Variants in IGSF21 observed in about 807,000 individuals in gnomAD.
The protein encoded by IGSF21 is immunoglobulin superfamily member 21.
A neutral mutation model predicts 46.8 loss-of-function variants in IGSF21; 28 were observed. That is an observed-to-expected ratio of 0.60 (90% CI 0.44 to 0.82). The LOEUF is 0.82. IGSF21 is among the 40% of genes least tolerant of loss of function. The pLI is 0.00. For missense variants in IGSF21, 624 were observed against 665.5 expected (o/e 0.94, Z 0.69); for synonymous variants, 284 against 273.6 (o/e 1.04, Z -0.38).
chr1:18,369,741 C>T (rs1404711914), intron 6 of IGSF21, among the ~76,000 whole-genome samples: 1 of 152,198 alleles, frequency 6.6e-6, no homozygotes, highest in Non-Finnish European at 1.5e-5. Context: ...CTGCAATGAG[C>T]CTTCGCTCCT....
chr1:18,235,566 T>G (rs1257488601), intron 2 of IGSF21, among the ~76,000 whole-genome samples: 1 of 152,114 alleles, frequency 6.6e-6, no homozygotes, highest in Non-Finnish European at 1.5e-5. Flanking sequence ...GGAAAGCAAA[T>G]GCAAGACAGT....
At chr1:18,374,237 C>A (rs541315766) in intron 6 of IGSF21, among the ~76,000 whole-genome samples, 1 of 152,340 alleles carries the variant, frequency 6.6e-6, no homozygotes, top group Non-Finnish European at 1.5e-5. Flanking sequence ...AACCCAGAAA[C>A]TTACTTGGGC....
rs939538738 is a variant in IGSF21, at chr1:18,212,509, T to C, written c.71-15389T>C. ...AAGCGCCATGAGCCCATTTTTCCGA[T>C]GAGATAGATGACTGAGGCCCAGAGA... On this transcript the variant is annotated intron_variant, in intron 1 of 9. Coordinates refer to ENST00000251296, the MANE Select transcript of IGSF21 (RefSeq NM_032880.5). 3.6e-4 allele frequency among the ~76,000 whole-genome samples: 54 copies of C among 152,064 alleles called. 1 individual carries two copies. The highest frequency in any genetic ancestry group is 1.1e-3 in the African/African-American group (47 of 41,526).
chr1:18,362,244 G>A lies in IGSF21; in HGVS notation c.540+14G>A, dbSNP rs1204679172. 6.3e-7 allele frequency: 1 copy of A among 1,578,980 alleles called. No homozygotes were observed. Among genetic ancestry groups the A allele is most frequent in the South Asian group, 1.1e-5 (1 of 88,076 alleles). On this transcript the variant is annotated intron_variant, in intron 5 of 9. Transcript: ENST00000251296. ...CCAGCACCCATGGTGAGTACCCCTG[G>A]AGTGCCCAGCTCCTTCCTATCTGCC...
intron 2 of IGSF21, among the ~76,000 whole-genome samples, chr1:18,284,494 T>C (rs74056590): frequency 0.064 from 9,759 of 152,324 alleles, 1,028 homozygotes; most frequent in African/African-American, 0.22. Context: ...CTAACAGCAG[T>C]GTCCACTTGC....
At chr1:18,298,565 A>G (rs1247320473) in intron 3 of IGSF21, among the ~76,000 whole-genome samples, 1 of 152,190 alleles carries the variant, frequency 6.6e-6, no homozygotes, top group Non-Finnish European at 1.5e-5. Flanking sequence ...CCTGGGGGCC[A>G]TGTAGAGAAA....
intron 3 of IGSF21, among the ~76,000 whole-genome samples, chr1:18,296,909 G>A (rs1417935266): frequency 6.6e-6 from 1 of 152,208 alleles, no homozygotes; most frequent in Non-Finnish European, 1.5e-5. Context: ...TAATTCACTG[G>A]TGCAGGGAAT....
At chr1:18,277,223 G>A (rs1270660916) in intron 2 of IGSF21, among the ~76,000 whole-genome samples, 1 of 152,248 alleles carries the variant, frequency 6.6e-6, no homozygotes, top group African/African-American at 2.4e-5. Flanking sequence ...CCTGCCTCTT[G>A]TCTCAGGCCG....
intron 3 of IGSF21, among the ~76,000 whole-genome samples, chr1:18,302,980 G>A (rs1293774466): frequency 6.6e-6 from 1 of 152,140 alleles, no homozygotes; most frequent in Non-Finnish European, 1.5e-5. Flanking sequence ...CCCCAGGGAG[G>A]GAAGCACTTG....
rs982109854 is a variant in IGSF21 at position 18,335,926 on chromosome 1, C to T, written c.424+916C>T. Among the ~76,000 whole-genome samples the T allele has an allele frequency of 3.3e-5, 5 of 152,142 alleles. No individual in the cohort carries two copies. The highest frequency in any genetic ancestry group is 7.2e-5 in the African/African-American group (3 of 41,412). On this transcript the variant is annotated intron_variant, in intron 4 of 9. Transcript: ENST00000251296. The surrounding 1 kb of genome is among the most constrained non-coding windows in gnomAD (Gnocchi z 4.8). Reference sequence around the variant, plus strand: ...CAGGAGGTGGCATTGCCAGGAAAAGCCCCTCTCTCGCAGTTACTCATGCAC... The same window carrying T: ...CAGGAGGTGGCATTGCCAGGAAAAGTCCCTCTCTCGCAGTTACTCATGCAC...
In IGSF21 at chr1:18,365,725, G is replaced by C. The variant is rs1276422172; in HGVS notation, c.1015+28G>C. On this transcript the variant is annotated intron_variant, in intron 6 of 9. Coordinates refer to ENST00000251296, the MANE Select transcript of IGSF21 (RefSeq NM_032880.5). This position sits in a 1 kb window ranked among gnomAD's most constrained non-coding sequence, Gnocchi z 4.8. Reference sequence around the variant, plus strand: ...AAGACTTGGTGGGGGCCCTTCTGTAGAGCCCTTGCAGACCTGGGTGTGGGG... The same window carrying C: ...AAGACTTGGTGGGGGCCCTTCTGTACAGCCCTTGCAGACCTGGGTGTGGGG... 6.4e-7 allele frequency: 1 copy of C among 1,572,282 alleles called. No homozygotes were observed. Among genetic ancestry groups the C allele is most frequent in the Non-Finnish European group, 8.7e-7 (1 of 1,150,918 alleles).
chr1:18,221,382 C>G (rs11260959), intron 1 of IGSF21, among the ~76,000 whole-genome samples: 22,227 of 152,134 alleles, frequency 0.15, 2,411 homozygotes, highest in East Asian at 0.4. Context: ...TGTCTCTTTT[C>G]AGAGACAGGC....
chr1:18,293,325 G>T (rs1234329774), intron 3 of IGSF21, among the ~76,000 whole-genome samples: 1 of 152,186 alleles, frequency 6.6e-6, no homozygotes, highest in African/African-American at 2.4e-5. Context: ...TTAGAAAGCG[G>T]GACAAGAAGA....
intron 1 of IGSF21, among the ~76,000 whole-genome samples, chr1:18,199,694 T>A (rs965130975): frequency 1.3e-5 from 2 of 151,772 alleles, no homozygotes; most frequent in African/African-American, 4.8e-5. Flanking sequence ...CTGGTCTCCC[T>A]CCCTCCCTAT....
chr1:18,149,646 G>A (rs1453171434), intron 1 of IGSF21, among the ~76,000 whole-genome samples: 3 of 138,470 alleles, frequency 2.2e-5, no homozygotes, highest in Non-Finnish European at 3.1e-5. Flanking sequence ...ATAGGTCTTC[G>A]TAACATGGGC....
intron 2 of IGSF21, among the ~76,000 whole-genome samples, chr1:18,285,965 G>A (rs552119055): frequency 8.1e-4 from 124 of 152,270 alleles, no homozygotes; most frequent in African/African-American, 2.6e-3. Context: ...CTTACGCACT[G>A]AATTCTCACA....
chr1:18,287,202 TAAATAAATAA>T (rs1488447873), intron 2 of IGSF21, among the ~76,000 whole-genome samples: 12 of 137,934 alleles, frequency 8.7e-5, no homozygotes, highest in Non-Finnish European at 1.9e-4. Flanking sequence ...ATAAAATAAA[TAAATAAATAA>T]AAATAAATAA....
intron 6 of IGSF21, among the ~76,000 whole-genome samples, chr1:18,371,105 C>T (rs2086219428): frequency 6.6e-6 from 1 of 152,212 alleles, no homozygotes; most frequent in South Asian, 2.1e-4. Context: ...CATATGTCCA[C>T]AGCAGCTTTA....
intron 4 of IGSF21, among the ~76,000 whole-genome samples, chr1:18,351,559 G>A (rs1428396339): frequency 1.3e-5 from 2 of 152,204 alleles, no homozygotes; most frequent in Non-Finnish European, 2.9e-5. Context: ...GCTCTCTGGG[G>A]GGAGGACGGA....
Sources: allele counts gnomAD v4.1 joint callset (sites outside exome capture counted in the v4.1 genomes callset), GRCh38; gene constraint gnomAD v4.1.1; non-coding constraint Gnocchi (gnomAD v3.1); transcripts MANE v1.5; gene names NCBI Gene and HGNC (gene_info 2026-07-23, HGNC 2026-07-21).